ZBTB20: variants seen among roughly 807,000 people sequenced by gnomAD.
The protein encoded by ZBTB20 is zinc finger and BTB domain containing 20.
In ZBTB20, 9 loss-of-function variants were observed where a neutral mutation model predicts 56.9. The ratio of observed to expected loss-of-function variants is 0.16; its 90% CI spans 0.10 to 0.28. The LOEUF is 0.28. Among genes scored for constraint, ZBTB20 ranks in the 10% least tolerant of loss-of-function variants. The pLI, the probability that ZBTB20 is intolerant of heterozygous loss-of-function variation, is 1.00. For missense variants in ZBTB20, 655 were observed against 1,003.0 expected (o/e 0.65, Z 4.69); for synonymous variants, 417 against 420.7 (o/e 0.99, Z 0.11).
chr3:114,854,966 CT>C (rs1242814106), intron 4 of ZBTB20, among the ~76,000 whole-genome samples: 1 of 152,152 alleles, frequency 6.6e-6, no homozygotes, highest in Non-Finnish European at 1.5e-5. Flanking sequence ...CTTCAATCAG[CT>C]TTCTTTTGTC....
chr3:114,827,235 G>A (rs1359594050), intron 4 of ZBTB20, among the ~76,000 whole-genome samples: 2 of 151,614 alleles, frequency 1.3e-5, no homozygotes, highest in Non-Finnish European at 3.0e-5. Flanking sequence ...TGAATACTAA[G>A]ACTTTTTACT....
At chr3:114,754,232 G>A (rs2067828376) in intron 5 of ZBTB20, among the ~76,000 whole-genome samples, 1 of 152,102 alleles carries the variant, frequency 6.6e-6, no homozygotes, top group Non-Finnish European at 1.5e-5. Flanking sequence ...AGAAGGGAAG[G>A]GGAGAAAGAG....
chr3:115,094,945 C>A (rs1576764828), intron 1 of ZBTB20, among the ~76,000 whole-genome samples: 1 of 151,956 alleles, frequency 6.6e-6, no homozygotes. Flanking sequence ...TATCCCATAA[C>A]CCCAACCTCA....
intron 4 of ZBTB20, among the ~76,000 whole-genome samples, chr3:114,883,916 C>CTTTTTT (rs869141975): frequency 3.3e-5 from 3 of 89,762 alleles, no homozygotes; most frequent in Admixed American, 1.6e-4. Context: ...ATGGTGTGTT[C>CTTTTTT]TTTTTTTTTT....
At chr3:114,820,667 T>C (rs1446617533) in intron 4 of ZBTB20, among the ~76,000 whole-genome samples, 1 of 152,160 alleles carries the variant, frequency 6.6e-6, no homozygotes, top group African/African-American at 2.4e-5. Flanking sequence ...TTCATATACA[T>C]GTAGAATTAC....
rs1234024531 is a variant in ZBTB20 at position 114,316,530 on chromosome 3, A to G, written c.*22475T>C. The G allele has an allele frequency of 3.7e-6, 2 of 533,528 alleles. No individual in the cohort carries two copies. Among genetic ancestry groups the G allele is most frequent in the East Asian group, 5.5e-5 (1 of 18,344 alleles). 33.0% of individuals were successfully genotyped at this position (533,528 alleles called of 1,614,324 possible). A position where few individuals can be genotyped will look rare whatever the true frequency, so the allele number is the denominator to read the frequency against. On this transcript the variant is annotated 3_prime_UTR_variant, in exon 12 of 12. Transcript: ENST00000675478. ...ACACTATATATATGTGGATACATAT[A>G]GGAAGTGTGTATACATTTATACATA...
At chr3:115,018,460 C>T (rs1394294642) in intron 2 of ZBTB20, among the ~76,000 whole-genome samples, 1 of 151,286 alleles carries the variant, frequency 6.6e-6, no homozygotes, top group African/African-American at 2.4e-5. Flanking sequence ...ATCTTTTGTT[C>T]TTTGATCTCC....
intron 10 of ZBTB20, among the ~76,000 whole-genome samples, chr3:114,377,666 C>T (rs1029296241): frequency 3.9e-5 from 6 of 152,094 alleles, no homozygotes; most frequent in Admixed American, 1.3e-4. Flanking sequence ...CCAGGAATGC[C>T]GTCTTTGGGC....
chr3:114,699,271 C>T (rs150030637), intron 5 of ZBTB20, among the ~76,000 whole-genome samples: 6 of 152,082 alleles, frequency 3.9e-5, no homozygotes, highest in South Asian at 2.1e-4. Context: ...GGGATATCAA[C>T]GTAATTCATC....
chr3:114,476,969 A>T (rs145835030), intron 7 of ZBTB20, among the ~76,000 whole-genome samples: 3 of 152,312 alleles, frequency 2.0e-5, no homozygotes, highest in African/African-American at 4.8e-5. Flanking sequence ...TCATTTGAAA[A>T]ATGGGTATAA....
chr3:114,826,907 A>T (rs1338347711), intron 4 of ZBTB20, among the ~76,000 whole-genome samples: 1 of 151,700 alleles, frequency 6.6e-6, no homozygotes, highest in Non-Finnish European at 1.5e-5. Flanking sequence ...CTTAATAAGC[A>T]GGTTCTTGTA....
chr3:115,034,159 G>A (rs1023775159), intron 2 of ZBTB20, among the ~76,000 whole-genome samples: 1 of 151,612 alleles, frequency 6.6e-6, no homozygotes, highest in Non-Finnish European at 1.5e-5. Flanking sequence ...GTAAAATACT[G>A]AAAGCTCTTC....
intron 3 of ZBTB20, among the ~76,000 whole-genome samples, chr3:114,933,777 C>T (rs1171154617): frequency 1.3e-5 from 2 of 152,220 alleles, no homozygotes; most frequent in African/African-American, 4.8e-5. Flanking sequence ...CTTAATAATC[C>T]TTCCAAGTTT....
At chr3:114,898,077 T>G (rs2074960636) in intron 4 of ZBTB20, among the ~76,000 whole-genome samples, 1 of 152,140 alleles carries the variant, frequency 6.6e-6, no homozygotes, top group African/African-American at 2.4e-5. Flanking sequence ...GGTCCATTAC[T>G]TTTGCTTAGA....
chr3:115,007,995 T>G (rs1208701213), intron 2 of ZBTB20, among the ~76,000 whole-genome samples: 3 of 151,850 alleles, frequency 2.0e-5, no homozygotes, highest in Non-Finnish European at 4.4e-5. Flanking sequence ...ATATGGGTTC[T>G]TCTTCTGCTT....
intron 6 of ZBTB20, chr3:114,599,258 GT>G (rs1184831870): frequency 6.6e-6 from 1 of 152,048 alleles, no homozygotes; most frequent in Admixed American, 6.6e-5. Flanking sequence ...TACTGAAATA[GT>G]TTCGTGAGGA....
At chr3:114,419,161 C>T (rs773196441) in intron 7 of ZBTB20, 1 of 152,068 alleles carries the variant, frequency 6.6e-6, no homozygotes, top group Non-Finnish European at 1.5e-5. Context: ...TTAAAAACAC[C>T]AGTTCCCTGG....
At position 114,476,209 on chromosome 3, in the gene ZBTB20, T is replaced by C. The variant is rs938438690; in HGVS notation, c.-255+24143A>G. 1.6e-4 allele frequency among the ~76,000 whole-genome samples: 25 copies of C among 152,192 alleles called. 1 individual carries two copies. The highest frequency in any genetic ancestry group is 1.6e-3 in the Admixed American group (25 of 15,280). On this transcript the variant is annotated intron_variant, in intron 7 of 11. Coordinates refer to ENST00000675478, the MANE Select transcript of ZBTB20 (RefSeq NM_001348800.3). Reference sequence around the variant, plus strand: ...TCTATCTAATAGATATGTCGTACTATACTTAACACAGCACTCTAGAGTTGA... The same window carrying C: ...TCTATCTAATAGATATGTCGTACTACACTTAACACAGCACTCTAGAGTTGA...
intron 6 of ZBTB20, among the ~76,000 whole-genome samples, chr3:114,683,704 T>C (rs920583793): frequency 2.6e-5 from 4 of 152,034 alleles, no homozygotes; most frequent in Non-Finnish European, 4.4e-5. Context: ...GGGGGCTTAA[T>C]GTAAGCCCCA....
Sources: gnomAD v4.1 joint callset for allele counts (sites outside exome capture counted in the v4.1 genomes callset) on GRCh38, gnomAD v4.1.1 for gene constraint, MANE v1.5 for transcripts, NCBI Gene and HGNC (gene_info 2026-07-23, HGNC 2026-07-21) for gene names.